Variants in MAGI2 observed in about 807,000 individuals in gnomAD.
MAGI2 encodes the protein membrane-associated guanylate kinase, WW and PDZ domain-containing protein 2.
MAGI2 carries 35 observed loss-of-function variants against 133.3 expected under a neutral mutation model. The ratio of observed to expected loss-of-function variants is 0.26; its 90% CI spans 0.20 to 0.35. MAGI2 has a LOEUF of 0.35. Among genes scored for constraint, MAGI2 ranks in the 10% least tolerant of loss-of-function variants. MAGI2 has a pLI of 1.00. For synonymous variants in MAGI2, 729 were observed against 710.6 expected, an observed-to-expected ratio of 1.03 and a Z score of -0.41; for missense variants, 1,636 against 1,863.4, an observed-to-expected ratio of 0.88 and a Z score of 2.25.
At chr7:78,032,685 C>T (rs1403568209) in intron 21 of MAGI2, among the ~76,000 whole-genome samples, 2 of 151,960 alleles carry the variant, frequency 1.3e-5, no homozygotes, top group Non-Finnish European at 2.9e-5. Flanking sequence ...TGGATTGGTG[C>T]AATGAAGAAA....
At chr7:79,434,937 G>A (rs1480139062) in intron 1 of MAGI2, among the ~76,000 whole-genome samples, 2 of 152,124 alleles carry the variant, frequency 1.3e-5, no homozygotes, top group African/African-American at 2.4e-5. Context: ...TTCAAAAAAG[G>A]GAGACTTCCT....
Position 78,324,170 on chromosome 7 carries a change from C to CACTACACTACACTACACTACACT in MAGI2, c.1408+19607_1408+19608insAGTGTAGTGTAGTGTAGTGTAGT, listed in dbSNP as rs77844311. Among the ~76,000 whole-genome samples the CACTACACTACACTACACTACACT allele has an allele frequency of 6.1e-3, 776 of 127,264 alleles. 6 individuals are homozygous for CACTACACTACACTACACTACACT. Among genetic ancestry groups the CACTACACTACACTACACTACACT allele is most frequent in the Non-Finnish European group, 8.6e-3 (535 of 62,458 alleles). The allele number at this position is 127,264 out of a possible 152,430, so 83.5% of individuals were successfully genotyped here. A position where few individuals can be genotyped will look rare whatever the true frequency, so the allele number is the denominator to read the frequency against. Reference sequence around the variant, plus strand: ...CTACACTACACACTACACTACACTACACACTACACTACACTACACTACACT... The same window carrying CACTACACTACACTACACTACACT: ...CTACACTACACACTACACTACACTACACTACACTACACTACACTACACTACACTACACTACACTACACTACACT... On this transcript the variant is annotated intron_variant, in intron 9 of 21. Transcript: ENST00000354212.
chr7:78,835,569 T>C (rs1290884948), intron 2 of MAGI2, among the ~76,000 whole-genome samples: 1 of 152,090 alleles, frequency 6.6e-6, no homozygotes, highest in Non-Finnish European at 1.5e-5. Context: ...TTGCTTAGGG[T>C]GCTCCAAAAC....
intron 6 of MAGI2, among the ~76,000 whole-genome samples, chr7:78,410,199 A>T (rs999202390): frequency 6.6e-6 from 1 of 152,110 alleles, no homozygotes; most frequent in Non-Finnish European, 1.5e-5. Flanking sequence ...GGCATAAGTA[A>T]AATAGGTATT....
chr7:78,973,907 C>T (rs755169166), intron 2 of MAGI2, among the ~76,000 whole-genome samples: 11 of 151,782 alleles, frequency 7.2e-5, no homozygotes, highest in Admixed American at 5.3e-4. Flanking sequence ...ATCTAAGTTG[C>T]GCATCTGGAG....
chr7:78,926,800 G>T (rs898867060), intron 2 of MAGI2, among the ~76,000 whole-genome samples: 37 of 151,740 alleles, frequency 2.4e-4, no homozygotes, highest in Admixed American at 4.0e-4. Context: ...AACTGTGTAG[G>T]AGAAATCTTT....
intron 1 of MAGI2, among the ~76,000 whole-genome samples, chr7:79,407,080 C>T (rs570291386): frequency 1.3e-5 from 2 of 152,228 alleles, no homozygotes; most frequent in Admixed American, 6.5e-5. Context: ...AAAACACATA[C>T]ATTTTACTAA....
chr7:79,429,804 A>T (rs1385662398), intron 1 of MAGI2, among the ~76,000 whole-genome samples: 1 of 152,154 alleles, frequency 6.6e-6, no homozygotes, highest in Non-Finnish European at 1.5e-5. Context: ...TTCTAATAAA[A>T]ATAATATGAT....
chr7:78,233,844 T>C (rs1790229172), intron 10 of MAGI2, among the ~76,000 whole-genome samples: 1 of 152,130 alleles, frequency 6.6e-6, no homozygotes, highest in African/African-American at 2.4e-5. Flanking sequence ...AATTTTCTTT[T>C]GAAGCCAGAG....
chr7:78,040,486 A>T (rs563838925), intron 21 of MAGI2, among the ~76,000 whole-genome samples: 2 of 151,986 alleles, frequency 1.3e-5, no homozygotes, highest in South Asian at 4.1e-4. Flanking sequence ...GCCCGATTCC[A>T]CCCCTTTCTC....
At chr7:78,857,637 C>T (rs573861910) in intron 2 of MAGI2, among the ~76,000 whole-genome samples, 2 of 152,140 alleles carry the variant, frequency 1.3e-5, no homozygotes, top group East Asian at 1.9e-4. Context: ...TTTTGATGTG[C>T]TGCTGGATTT....
At chr7:79,380,668 A>G (rs1184641357) in intron 1 of MAGI2, among the ~76,000 whole-genome samples, 2 of 151,732 alleles carry the variant, frequency 1.3e-5, no homozygotes, top group Non-Finnish European at 2.9e-5. Context: ...TTCTTTGTTT[A>G]ATCTTTTAAA....
chr7:78,516,211 T>C (rs953696604), intron 4 of MAGI2, among the ~76,000 whole-genome samples: 3 of 152,208 alleles, frequency 2.0e-5, no homozygotes, highest in African/African-American at 7.2e-5. Context: ...AAGGAGTTTA[T>C]ATACGGGATT....
chr7:78,862,691 T>C (rs567122261), intron 2 of MAGI2, among the ~76,000 whole-genome samples: 1 of 152,280 alleles, frequency 6.6e-6, no homozygotes, highest in Non-Finnish European at 1.5e-5. Context: ...CATTGAAGAG[T>C]TAATAATGCT....
chr7:79,329,590 A>C (rs908638908), intron 1 of MAGI2, among the ~76,000 whole-genome samples: 2 of 152,244 alleles, frequency 1.3e-5, no homozygotes, highest in Non-Finnish European at 2.9e-5. Context: ...ATTAGTAGCC[A>C]CATATAGAAT....
At chr7:78,973,104 G>A (rs1161221904) in intron 2 of MAGI2, among the ~76,000 whole-genome samples, 5 of 151,806 alleles carry the variant, frequency 3.3e-5, no homozygotes, top group Non-Finnish European at 7.4e-5. Flanking sequence ...TTTGCCAGCT[G>A]TTCTGATTGT....
chr7:79,028,235 GTATATA>G (rs1174096501), intron 1 of MAGI2, among the ~76,000 whole-genome samples: 815 of 29,312 alleles, frequency 0.028, 22 homozygotes, highest in African/African-American at 0.069. Flanking sequence ...ATATATGTAT[GTATATA>G]TATATATATA....
At chr7:78,314,027 T>C (rs1222074466) in intron 9 of MAGI2, among the ~76,000 whole-genome samples, 2 of 152,126 alleles carry the variant, frequency 1.3e-5, no homozygotes, top group Non-Finnish European at 2.9e-5. Flanking sequence ...CATTCTCCAT[T>C]TGCATTAAAA....
intron 21 of MAGI2, among the ~76,000 whole-genome samples, chr7:78,028,975 C>G (rs1453382051): frequency 2.0e-5 from 3 of 151,656 alleles, no homozygotes; most frequent in African/African-American, 7.3e-5. Context: ...ATCAGGATAA[C>G]TGACTGAGTA....
Sources: allele counts gnomAD v4.1 joint callset (sites outside exome capture counted in the v4.1 genomes callset), GRCh38; gene constraint gnomAD v4.1.1; transcripts MANE v1.5; gene names NCBI Gene and HGNC (gene_info 2026-07-23, HGNC 2026-07-21).